ADGRL2: variants seen among roughly 807,000 people sequenced by gnomAD.
ADGRL2 encodes the protein calcium-independent alpha-latrotoxin receptor 2.
ADGRL2 carries 44 observed loss-of-function variants against 157.4 expected under a neutral mutation model. The ratio of observed to expected loss-of-function variants is 0.28; its 90% CI spans 0.22 to 0.36. The LOEUF (loss-of-function observed/expected upper bound fraction) is 0.36. Among genes scored for constraint, ADGRL2 ranks in the 10% least tolerant of loss-of-function variants. ADGRL2 has a pLI of 1.00. For missense variants in ADGRL2, 1,510 were observed against 1,768.9 expected, an observed-to-expected ratio of 0.85 and a Z score of 2.63; for synonymous variants, 585 against 624.7, an observed-to-expected ratio of 0.94 and a Z score of 0.95.
chr1:81,409,148 T>C (rs1354241003), intron 1 of ADGRL2, among the ~76,000 whole-genome samples: 1 of 152,204 alleles, frequency 6.6e-6, no homozygotes, highest in Non-Finnish European at 1.5e-5. Context: ...TTATCTGGAT[T>C]ACAAACCCCT....
chr1:81,617,122 G>A (rs1044285177), intron 3 of ADGRL2, among the ~76,000 whole-genome samples: 5 of 152,248 alleles, frequency 3.3e-5, no homozygotes, highest in African/African-American at 1.2e-4. Context: ...AGGCCTATTA[G>A]GAACCTGGTT....
chr1:81,492,518 T>C (rs531760508), intron 2 of ADGRL2, among the ~76,000 whole-genome samples: 31 of 152,302 alleles, frequency 2.0e-4, no homozygotes, highest in African/African-American at 7.5e-4. Flanking sequence ...CTTAGATTAT[T>C]GCTAGAAAAA....
At chr1:81,675,416 A>G (rs1280420382) in intron 3 of ADGRL2, among the ~76,000 whole-genome samples, 1 of 152,186 alleles carries the variant, frequency 6.6e-6, no homozygotes, top group Non-Finnish European at 1.5e-5. Flanking sequence ...CTTAATTCTA[A>G]TGGACTCCAC....
At chr1:81,658,121 A>C (rs2082574383) in intron 3 of ADGRL2, among the ~76,000 whole-genome samples, 1 of 152,112 alleles carries the variant, frequency 6.6e-6, no homozygotes, top group South Asian at 2.1e-4. Flanking sequence ...GGAGGGATGG[A>C]GTCTCACTCT....
intron 1 of ADGRL2, among the ~76,000 whole-genome samples, chr1:81,310,337 A>T (rs1230153933): frequency 6.6e-6 from 1 of 152,174 alleles, no homozygotes; most frequent in Non-Finnish European, 1.5e-5. Flanking sequence ...CCAATGTGAA[A>T]AGATGAACTA....
In ADGRL2 at chr1:81,952,095, G is replaced by A. The variant is rs1332134220; in HGVS notation, c.1747G>A (p.Glu583Lys). 2.5e-6 allele frequency: 4 copies of A among 1,613,202 alleles called. No individual in the cohort carries two copies. Among genetic ancestry groups the A allele is most frequent in the East Asian group, 2.2e-5 (1 of 44,822 alleles). The change falls in exon 9 of 24, where the codon GAA (glutamate) becomes AAA (lysine). Residue 583 changes from glutamate to lysine, a missense_variant. Glu to Lys is a moderately conservative substitution (Grantham distance 56). This residue lies in a region of ADGRL2 where 325 missense variants were observed against 333.2 expected (regional missense o/e 0.98). Coordinates refer to ENST00000686636, the MANE Select transcript of ADGRL2 (RefSeq NM_001366006.2). ...LVDILDAQLQ[E>K]LKPSEKDSAG... The stretch of plus-strand genomic sequence containing the variant: ...GGACATCCTTGATGCACAGCTGCAG[G>A]AACTGAAACCTAGTGAAAAAGATTC...
chr1:81,888,293 G>A (rs1347638716), intron 2 of ADGRL2, among the ~76,000 whole-genome samples: 2 of 152,116 alleles, frequency 1.3e-5, no homozygotes, highest in African/African-American at 2.4e-5. Flanking sequence ...TTTCACTTTA[G>A]TATTTTGGAA....
At chr1:81,710,369 A>T (rs1472977467) in intron 1 of ADGRL2, among the ~76,000 whole-genome samples, 1 of 152,080 alleles carries the variant, frequency 6.6e-6, no homozygotes, top group African/African-American at 2.4e-5. Context: ...TCATGCCTAT[A>T]ATCACAGCAC....
At chr1:81,426,070 C>G (rs1034973640) in intron 1 of ADGRL2, among the ~76,000 whole-genome samples, 1 of 151,986 alleles carries the variant, frequency 6.6e-6, no homozygotes, top group Non-Finnish European at 1.5e-5. Context: ...TGGTAGAAAG[C>G]CTTCAGAAAT....
At chr1:81,467,082 G>A (rs1408850295) in intron 2 of ADGRL2, among the ~76,000 whole-genome samples, 1 of 151,750 alleles carries the variant, frequency 6.6e-6, no homozygotes, top group African/African-American at 2.4e-5. Context: ...CTGGAAGAAA[G>A]TTGGTGTCCT....
At chr1:81,432,830 TG>T (rs769851707) in intron 1 of ADGRL2, among the ~76,000 whole-genome samples, 2 of 152,042 alleles carry the variant, frequency 1.3e-5, no homozygotes, top group Non-Finnish European at 2.9e-5. Context: ...TGGGGCGGCA[TG>T]GGGAATGTGC....
rs180757096 is a variant in ADGRL2 at position 81,664,960 on chromosome 1, T to C, written c.-143+83980T>C. On this transcript the variant is annotated intron_variant, in intron 3 of 24. Coordinates refer to the ADGRL2 transcript ENST00000370721. ...CAGGTACTGAACTTGAGGCTAAGAA[T>C]ACGATAAACAATGAATCTGACATTG... Among the ~76,000 whole-genome samples the C allele has an allele frequency of 2.0e-5, 3 of 152,232 alleles. No individual in the cohort carries two copies. The East Asian group carries it at 5.8e-4, about 29-fold the overall frequency.
At chr1:81,595,993 C>A (rs1570597024) in intron 3 of ADGRL2, among the ~76,000 whole-genome samples, 1 of 152,096 alleles carries the variant, frequency 6.6e-6, no homozygotes, top group Non-Finnish European at 1.5e-5. Context: ...GAGCTCTCTG[C>A]GGCCTCTTTT....
chr1:81,438,119 T>C (rs1478049626), intron 1 of ADGRL2, among the ~76,000 whole-genome samples: 1 of 150,808 alleles, frequency 6.6e-6, no homozygotes, highest in Non-Finnish European at 1.5e-5. Context: ...TAGAAAGACA[T>C]GAGTGAGCTT....
chr1:81,792,783 A>G (rs1279737924), intron 2 of ADGRL2, among the ~76,000 whole-genome samples: 1 of 152,126 alleles, frequency 6.6e-6, no homozygotes, highest in Non-Finnish European at 1.5e-5. Flanking sequence ...AAGTGTTTGT[A>G]GAGATTTTAT....
chr1:81,618,367 T>A (rs1427220420), intron 3 of ADGRL2, among the ~76,000 whole-genome samples: 2 of 152,204 alleles, frequency 1.3e-5, no homozygotes, highest in African/African-American at 4.8e-5. Context: ...CAGAGGCTTC[T>A]GTCTAAACAA....
intron 1 of ADGRL2, among the ~76,000 whole-genome samples, chr1:81,323,132 A>G (rs536552661): frequency 6.6e-6 from 1 of 152,296 alleles, no homozygotes; most frequent in South Asian, 2.1e-4. Flanking sequence ...TGCTGGGATT[A>G]CAGGTGTGAG....
chr1:81,492,394 A>AT (rs2147958212), intron 2 of ADGRL2, among the ~76,000 whole-genome samples: 1 of 152,354 alleles, frequency 6.6e-6, no homozygotes, highest in Admixed American at 6.5e-5. Context: ...CAATATTCAA[A>AT]TAGTTTTGTT....
intron 3 of ADGRL2, among the ~76,000 whole-genome samples, chr1:81,622,837 C>A (rs775275266): frequency 1.3e-5 from 2 of 152,182 alleles, no homozygotes; most frequent in Non-Finnish European, 2.9e-5. Flanking sequence ...CCTTAAACAT[C>A]ATTGTTAATT....
Sources: gnomAD v4.1 joint callset for allele counts (sites outside exome capture counted in the v4.1 genomes callset) on GRCh38, gnomAD v4.1.1 for gene constraint, gnomAD v4.1.1 regional missense constraint, MANE v1.5 for transcripts, NCBI Gene and HGNC (gene_info 2026-07-23, HGNC 2026-07-21) for gene names.